WDPCP: variants seen among roughly 807,000 people sequenced by gnomAD.
WDPCP encodes the protein WD repeat containing planar cell polarity effector.
WDPCP carries 71 observed loss-of-function variants against 93.1 expected under a neutral mutation model. The ratio of observed to expected loss-of-function variants is 0.76; its 90% CI spans 0.63 to 0.93. The LOEUF (loss-of-function observed/expected upper bound fraction) is 0.93. Among genes scored for constraint, WDPCP ranks in the 40% least tolerant of loss-of-function variants. WDPCP has a pLI of 0.00. For missense variants in WDPCP, 844 were observed against 887.4 expected (o/e 0.95, Z 0.62); for synonymous variants, 315 against 315.0 (o/e 1.00, Z 0.00).
At chr2:63,723,169 C>T (rs1669451108) in intron 2 of WDPCP, among the ~76,000 whole-genome samples, 1 of 151,616 alleles carries the variant, frequency 6.6e-6, no homozygotes, top group Non-Finnish European at 1.5e-5. Context: ...GGGTCCTCTG[C>T]CTAGGAAAAC....
intron 6 of WDPCP, among the ~76,000 whole-genome samples, chr2:63,478,690 G>C (rs889062446): frequency 9.2e-5 from 14 of 152,184 alleles, no homozygotes; most frequent in African/African-American, 3.1e-4. Context: ...GGTGCTAAGA[G>C]GAAAGTTCAT....
intron 1 of WDPCP, among the ~76,000 whole-genome samples, chr2:63,814,399 A>C (rs897319660): frequency 6.6e-6 from 1 of 151,636 alleles, no homozygotes; most frequent in Non-Finnish European, 1.5e-5. Flanking sequence ...CCTGCTTCCT[A>C]CATTTGAAAA....
At chr2:63,562,036 G>A (rs6736029) in intron 1 of WDPCP, among the ~76,000 whole-genome samples, 122,407 of 152,180 alleles carry the variant, frequency 0.8, 49,903 homozygotes, top group East Asian at 0.98. Flanking sequence ...ACCAAAAGGA[G>A]TATCAATCAT....
chr2:63,667,431 T>C (rs569995321), intron 2 of WDPCP, among the ~76,000 whole-genome samples: 4 of 152,208 alleles, frequency 2.6e-5, no homozygotes, highest in Non-Finnish European at 4.4e-5. Flanking sequence ...TCTGAAATGA[T>C]GTTTTGCTAG....
intron 14 of WDPCP, among the ~76,000 whole-genome samples, chr2:63,188,375 C>T (rs143401359): frequency 1.5e-3 from 226 of 151,830 alleles, no homozygotes; most frequent in African/African-American, 5.3e-3. Context: ...CTTTTTTCTC[C>T]TCAGTCTCAA....
At chr2:63,801,374 G>A (rs559335430) in intron 2 of WDPCP, among the ~76,000 whole-genome samples, 6 of 152,266 alleles carry the variant, frequency 3.9e-5, no homozygotes, top group Middle Eastern at 3.4e-3. Context: ...GAATGAAACC[G>A]TGGACCTTCA....
At chr2:63,551,157 T>C (rs1015685522) in intron 1 of WDPCP, among the ~76,000 whole-genome samples, 3 of 152,184 alleles carry the variant, frequency 2.0e-5, no homozygotes, top group Admixed American at 6.5e-5. Flanking sequence ...TTCAAATTCA[T>C]CATTTCTTAT....
At position 63,477,119 on chromosome 2, in the gene WDPCP, C is replaced by G. The variant is rs976824870; in HGVS notation, c.384+7485G>C. 3.3e-5 allele frequency among the ~76,000 whole-genome samples: 5 copies of G among 152,108 alleles called. No homozygotes were observed. In the South Asian group the frequency reaches 1.0e-3, roughly 32 times the overall value. On this transcript the variant is annotated intron_variant, in intron 6 of 17. Coordinates refer to ENST00000272321, the MANE Select transcript of WDPCP (RefSeq NM_015910.7). Reference sequence around the variant, plus strand: ...GTTACATCTATACTTAATGATAATACTGTTTTAAACTAATTGCATAATAAT... The same window carrying G: ...GTTACATCTATACTTAATGATAATAGTGTTTTAAACTAATTGCATAATAAT...
At chr2:63,728,359 G>A (rs778963604) in intron 2 of WDPCP, among the ~76,000 whole-genome samples, 1 of 152,170 alleles carries the variant, frequency 6.6e-6, no homozygotes, top group African/African-American at 2.4e-5. Context: ...GGACGAGGGT[G>A]AGAGAAGTGA....
At chr2:63,528,297 T>G (rs1703517022) in intron 1 of WDPCP, among the ~76,000 whole-genome samples, 1 of 152,256 alleles carries the variant, frequency 6.6e-6, no homozygotes, top group Non-Finnish European at 1.5e-5. Context: ...TGCCCATGCC[T>G]ATGTCCTGAA....
chr2:63,336,473 T>C (rs757500260), intron 12 of WDPCP, among the ~76,000 whole-genome samples: 2 of 152,178 alleles, frequency 1.3e-5, no homozygotes, highest in Non-Finnish European at 2.9e-5. Context: ...GAATATAAGG[T>C]TAGCTGTGGG....
chr2:63,382,812 G>A (rs1314100370), intron 10 of WDPCP, among the ~76,000 whole-genome samples: 1 of 152,066 alleles, frequency 6.6e-6, no homozygotes. Flanking sequence ...ACTTGATAGG[G>A]AATCTGGGGA....
intron 2 of WDPCP, among the ~76,000 whole-genome samples, chr2:63,747,999 G>A (rs1260189855): frequency 6.6e-6 from 1 of 151,980 alleles, no homozygotes; most frequent in Non-Finnish European, 1.5e-5. Context: ...TATACAGAGA[G>A]AGAGAGTGAG....
At position 63,437,457 on chromosome 2, in the gene WDPCP, G is replaced by A. The variant is rs951202055; in HGVS notation, c.597C>T (p.Asn199=). 7 of 1,603,876 alleles carry A rather than the reference G, an allele frequency of 4.4e-6. No homozygotes were observed. Among genetic ancestry groups the A allele is most frequent in the Middle Eastern group, 3.6e-4 (2 of 5,604 alleles). The stretch of plus-strand genomic sequence containing the variant: ...AGGCTGAGAGTTTTTCCAGTCTTTT[G>A]TTTACATCAGAAGACTCCATCTTCT... ...FTKKMESSDV[N]KRLEKLSALD... is the part of the protein sequence containing the mutation. Residue 199 remains asparagine (N), a synonymous_variant, in exon 8 of 18, where the codon AAC becomes AAT. Transcript: ENST00000272321.
At chr2:63,322,420 A>G (rs1410001689) in intron 12 of WDPCP, among the ~76,000 whole-genome samples, 1 of 151,620 alleles carries the variant, frequency 6.6e-6, no homozygotes, top group Non-Finnish European at 1.5e-5. Flanking sequence ...GCTGCTGCTC[A>G]CTCTTTGGGT....
intron 14 of WDPCP, among the ~76,000 whole-genome samples, chr2:63,215,599 T>C (rs977509448): frequency 2.6e-5 from 4 of 152,148 alleles, no homozygotes; most frequent in African/African-American, 9.7e-5. Context: ...CCTAAAACCA[T>C]AAAAACCCTA....
At chr2:63,616,459 C>A in intron 3 of WDPCP, among the ~76,000 whole-genome samples, 1 of 152,102 alleles carries the variant, frequency 6.6e-6, no homozygotes, top group East Asian at 1.9e-4. Flanking sequence ...CTCACCTTAG[C>A]CTAATAGGCT....
intron 12 of WDPCP, among the ~76,000 whole-genome samples, chr2:63,328,604 C>T (rs537956217): frequency 9.9e-4 from 151 of 152,296 alleles, no homozygotes; most frequent in African/African-American, 3.2e-3. Flanking sequence ...ACACTCACTG[C>T]GAGCGTCCGC....
intron 1 of WDPCP, among the ~76,000 whole-genome samples, chr2:63,565,135 T>C (rs1226819696): frequency 6.6e-6 from 1 of 152,102 alleles, no homozygotes; most frequent in Non-Finnish European, 1.5e-5. Context: ...CAAAACAAGA[T>C]TTATCCTAAA....
Sources: allele counts gnomAD v4.1 joint callset (sites outside exome capture counted in the v4.1 genomes callset), GRCh38; gene constraint gnomAD v4.1.1; transcripts MANE v1.5; gene names NCBI Gene and HGNC (gene_info 2026-07-23, HGNC 2026-07-21).